The following ANP32B variants were observed in gnomAD, a reference collection of about 807,000 sequenced individuals.
ANP32B encodes the protein acidic leucine-rich nuclear phosphoprotein 32 family member B.
A neutral mutation model predicts 32.2 loss-of-function variants in ANP32B; 6 were observed. The ratio of observed to expected loss-of-function variants is 0.19; its 90% CI spans 0.10 to 0.37. The LOEUF is 0.37. ANP32B is among the 10% of genes least tolerant of loss of function. The probability of loss-of-function intolerance (pLI) is 1.00; values close to 1 mark genes in which losing one functional copy is unlikely to be tolerated. For synonymous variants in ANP32B, 98 were observed against 105.8 expected (o/e 0.93, Z 0.45); for missense variants, 204 against 289.2 (o/e 0.71, Z 2.14).
intron 2 of ANP32B, among the ~76,000 whole-genome samples, chr9:97,995,794 G>A (rs886778881): frequency 6.6e-6 from 1 of 151,894 alleles, no homozygotes; most frequent in Non-Finnish European, 1.5e-5. Context: ...ACGGTGGCAC[G>A]CACCTGTAGT....
At chr9:97,992,853 A>AT (rs1161473438) in intron 1 of ANP32B, among the ~76,000 whole-genome samples, 1 of 152,166 alleles carries the variant, frequency 6.6e-6, no homozygotes, top group Non-Finnish European at 1.5e-5. Flanking sequence ...CTTTCTGGGC[A>AT]TTTATAATGT....
intron 3 of ANP32B, 157 bp from the exon 4 acceptor site, chr9:98,004,807 T>A: frequency 1.9e-6 from 1 of 527,508 alleles, no homozygotes; most frequent in Non-Finnish European, 3.3e-6. Flanking sequence ...TAACCTAATA[T>A]AAAGGTTGCA....
At position 97,988,318 on chromosome 9, in the gene ANP32B, G is replaced by T. The variant is rs560687081; in HGVS notation, c.54+4709G>T. 2.6e-5 allele frequency among the ~76,000 whole-genome samples: 4 copies of T among 152,174 alleles called. No individual in the cohort carries two copies. The East Asian group carries it at 7.7e-4, about 29-fold the overall frequency. ...ATGTGATTTTTTTTTCCATCTGCCA[G>T]ATTGCTTTTCAGAATGGTTCCCGTC... On this transcript the variant is annotated intron_variant, in intron 1 of 6. Transcript: ENST00000339399.
intron 5 of ANP32B, 40 bp from the exon 6 acceptor site, chr9:98,012,381 G>A (rs929892165): frequency 6.3e-7 from 1 of 1,596,618 alleles, no homozygotes; most frequent in Admixed American, 1.8e-5. Context: ...TTTCAATTTG[G>A]CAGAATTAAT....
chr9:97,999,325 G>T (rs184224041), intron 3 of ANP32B, among the ~76,000 whole-genome samples: 30 of 152,214 alleles, frequency 2.0e-4, no homozygotes, highest in Non-Finnish European at 4.1e-4. Flanking sequence ...TTTTTCTTCA[G>T]ACTGGCCAAG....
intron 1 of ANP32B, among the ~76,000 whole-genome samples, chr9:97,985,784 A>G (rs779849324): frequency 2.6e-5 from 4 of 152,170 alleles, no homozygotes; most frequent in Non-Finnish European, 5.9e-5. Context: ...ATTGCTTTAA[A>G]AACACATGTA....
chr9:98,004,854 TG>T, intron 3 of ANP32B, 109 bp from the exon 4 acceptor site: 1 of 753,448 alleles, frequency 1.3e-6, no homozygotes, highest in South Asian at 2.0e-5. Context: ...TGAGGCTGAG[TG>T]GGTAGTGGAA....
intron 4 of ANP32B, among the ~76,000 whole-genome samples, chr9:98,008,589 C>T (rs1828128290): frequency 6.6e-6 from 1 of 152,308 alleles, no homozygotes; most frequent in Non-Finnish European, 1.5e-5. Flanking sequence ...CAAAAAAGCA[C>T]TGAAAAACCT....
At chr9:98,014,961 C>T (rs887451731) in intron 6 of ANP32B, among the ~76,000 whole-genome samples, 2 of 152,168 alleles carry the variant, frequency 1.3e-5, no homozygotes, top group Non-Finnish European at 2.9e-5. Context: ...CCATGTTGGC[C>T]AGGGTGGTCT....
At chr9:97,985,390 C>T (rs886704183) in intron 1 of ANP32B, among the ~76,000 whole-genome samples, 2 of 152,078 alleles carry the variant, frequency 1.3e-5, no homozygotes, top group Non-Finnish European at 1.5e-5. Flanking sequence ...TGGGCCGCTC[C>T]GGGGGTTGCG....
At chr9:98,009,830 A>C (rs866931373) in intron 4 of ANP32B, among the ~76,000 whole-genome samples, 25 of 152,268 alleles carry the variant, frequency 1.6e-4, no homozygotes, top group African/African-American at 5.8e-4. Context: ...GAGGAAAAGC[A>C]TCAAGGAGTT....
At chr9:98,005,508 A>G (rs1250949806) in intron 4 of ANP32B, among the ~76,000 whole-genome samples, 1 of 152,082 alleles carries the variant, frequency 6.6e-6, no homozygotes, top group Non-Finnish European at 1.5e-5. Context: ...CAGAAGACAG[A>G]CAGGGTGTCT....
rs796766261 is a variant in ANP32B at position 98,015,435 on chromosome 9, C to T, written c.*4C>T. ...TGATGAAGGAGAAGATGATTAAGAC[C>T]CCAGATGACCTGCAGAAACAGAACT... On this transcript the variant is annotated 3_prime_UTR_variant, in exon 7 of 7. Transcript: ENST00000339399. 1 of 1,549,448 alleles carries T rather than the reference C, an allele frequency of 6.5e-7. No homozygotes were observed. Among genetic ancestry groups the T allele is most frequent in the East Asian group, 2.4e-5 (1 of 40,892 alleles).
intron 2 of ANP32B, among the ~76,000 whole-genome samples, chr9:97,997,398 A>C (rs1003470244): frequency 6.6e-6 from 1 of 152,192 alleles, no homozygotes; most frequent in Non-Finnish European, 1.5e-5. Context: ...TCTACTCTGC[A>C]TCATATAGTA....
chr9:97,983,397 G>T lies in ANP32B; in HGVS notation c.-159G>T. 3.4e-6 allele frequency: 2 copies of T among 591,626 alleles called. No individual in the cohort carries two copies. The highest frequency in any genetic ancestry group is 4.7e-4 in the Middle Eastern group (1 of 2,136). 36.6% of individuals were successfully genotyped at this position (591,626 alleles called of 1,614,324 possible). ...TGAGTAACTTGGCTCCGGGGGCTCC[G>T]CTCGCCTGCCCGCACGCCGCCCGCC... On this transcript the variant is annotated 5_prime_UTR_variant, in exon 1 of 7. Transcript: ENST00000339399.
Position 97,998,623 on chromosome 9 carries a change from C to G in ANP32B, c.272C>G (p.Thr91Arg). 6.2e-7 allele frequency: 1 copy of G among 1,612,266 alleles called. No individual in the cohort carries two copies. The highest frequency in any genetic ancestry group is 8.5e-7 in the Non-Finnish European group (1 of 1,179,354). ...DMLAEKLPNL[T>R]HLNLSGNKLK... ...TTAGCTGAAAAACTTCCAAATCTCA[C>G]ACATCTAAACTTAAGTGGAAATAAA... Residue 91 changes from threonine to arginine, a missense_variant, in exon 3 of 7, where the codon ACA (threonine) becomes AGA (arginine). Physicochemically the swap from Thr to Arg is moderately conservative, Grantham distance 71 (BLOSUM62 -1). Transcript: ENST00000339399.
At chr9:98,011,421 AT>A (rs1051182769) in intron 5 of ANP32B, 32 bp downstream of exon 5, 2 of 1,563,518 alleles carry the variant, frequency 1.3e-6, no homozygotes, top group African/African-American at 2.7e-5. Context: ...CCTGCTTCCT[AT>A]TTGTAATTAC....
intron 1 of ANP32B, among the ~76,000 whole-genome samples, 166 bp downstream of exon 1, chr9:97,983,775 C>T (rs1160706025): frequency 1.3e-5 from 2 of 151,532 alleles, no homozygotes. Flanking sequence ...AGCGAGCGCG[C>T]GAGGATTAAC....
chr9:98,013,904 C>T (rs571916182), intron 6 of ANP32B, among the ~76,000 whole-genome samples: 62 of 152,104 alleles, frequency 4.1e-4, no homozygotes, highest in Admixed American at 3.9e-4. Context: ...CCTATAGTCC[C>T]AGCTACTTGG....
Sources: allele counts gnomAD v4.1 joint callset (sites outside exome capture counted in the v4.1 genomes callset), GRCh38; gene constraint gnomAD v4.1.1; transcripts MANE v1.5; gene names NCBI Gene and HGNC (gene_info 2026-07-23, HGNC 2026-07-21).